Variants in MEGF10 observed in about 807,000 individuals in gnomAD.
MEGF10 encodes multiple EGF like domains 10.
Under a neutral mutation model 147.5 loss-of-function variants are expected in MEGF10, and 86 were observed. The observed-to-expected ratio is 0.58, with a 90% CI of 0.49 to 0.70. MEGF10 has a LOEUF of 0.70. MEGF10 is among the 30% of genes least tolerant of loss of function. MEGF10 has a pLI of 0.00. For synonymous variants in MEGF10, 478 were observed against 525.5 expected (o/e 0.91, Z 1.24); for missense variants, 1,329 against 1,487.3 (o/e 0.89, Z 1.75).
intron 4 of MEGF10, among the ~76,000 whole-genome samples, chr5:127,353,199 G>T (rs1762150796): frequency 6.6e-6 from 1 of 152,246 alleles, no homozygotes; most frequent in Admixed American, 6.5e-5. Flanking sequence ...CTATGGAAAG[G>T]AGAGAGACTC....
intron 24 of MEGF10, 44 bp downstream of exon 24, chr5:127,455,651 T>A (rs1766336484): frequency 6.5e-7 from 1 of 1,539,714 alleles, no homozygotes; most frequent in South Asian, 1.2e-5. Context: ...CTTAAGTTTT[T>A]AAAAACAATT....
At chr5:127,266,689 A>G in the MEGF10 span, among the ~76,000 whole-genome samples, 1 of 152,174 alleles carries the variant, frequency 6.6e-6, no homozygotes, top group Admixed American at 6.5e-5. Flanking sequence ...AGCAATTGTG[A>G]ATGGGAGTTC....
rs138901395 is a variant in MEGF10 at position 127,348,061 on chromosome 5, A to G, written c.319+7431A>G. ...TTTGGATTTCAATTAGAAGATAAGA[A>G]TTCTTCTGCTGTAGCTCTAAAGTTG... On this transcript the variant is annotated intron_variant, in intron 4 of 24. Coordinates refer to ENST00000503335, the MANE Select transcript of MEGF10 (RefSeq NM_001256545.2). Among the ~76,000 whole-genome samples, 373 of 152,234 alleles carry G rather than the reference A, an allele frequency of 2.5e-3. 1 individual carries two copies. The highest frequency in any genetic ancestry group is 8.6e-3 in the African/African-American group (359 of 41,570).
At position 127,455,683 on chromosome 5, in the gene MEGF10, T is replaced by C. The variant is rs190980227; in HGVS notation, c.3232+76T>C. 1,414 of 1,087,550 alleles carry C rather than the reference T, an allele frequency of 1.3e-3. 10 individuals carry two copies. Among genetic ancestry groups the C allele is most frequent in the East Asian group, 4.1e-3 (163 of 39,340 alleles). The allele number at this position is 1,087,550 out of a possible 1,614,324, so 67.4% of individuals were successfully genotyped here. On this transcript the variant is annotated intron_variant, in intron 24 of 24. Transcript: ENST00000503335. ...AATTTTAAAGTCTTTACGAATATAA[T>C]AGTTGCAGGTCATAGAAATCTTATT... is the stretch of plus-strand genomic sequence containing the variant.
At chr5:127,256,379 T>TA in the MEGF10 span, among the ~76,000 whole-genome samples, 1 of 152,350 alleles carries the variant, frequency 6.6e-6, no homozygotes, top group East Asian at 1.9e-4. Flanking sequence ...CACAGTTTTT[T>TA]ACAACAGTCG....
At chr5:127,428,818 G>T (rs1264733440) in intron 13 of MEGF10, among the ~76,000 whole-genome samples, 1 of 152,240 alleles carries the variant, frequency 6.6e-6, no homozygotes. Context: ...TGACACCCCA[G>T]ATGATTTATT....
chr5:127,254,255 A>G, the MEGF10 span, among the ~76,000 whole-genome samples: 1 of 152,114 alleles, frequency 6.6e-6, no homozygotes, highest in East Asian at 1.9e-4. Context: ...TCCGTCCCCC[A>G]ACTCAAATAC....
chr5:127,373,243 C>T (rs1289795667), intron 5 of MEGF10, among the ~76,000 whole-genome samples: 1 of 152,170 alleles, frequency 6.6e-6, no homozygotes, highest in African/African-American at 2.4e-5. Context: ...CCTCTGCCTC[C>T]TGGGTTCAAG....
intron 4 of MEGF10, among the ~76,000 whole-genome samples, chr5:127,358,275 C>G (rs1658105588): frequency 6.6e-6 from 1 of 152,034 alleles, no homozygotes; most frequent in Admixed American, 6.6e-5. Flanking sequence ...TGTCCAGGGA[C>G]CACCACTAAG....
At chr5:127,378,074 C>T (rs913651277) in intron 5 of MEGF10, among the ~76,000 whole-genome samples, 3 of 152,142 alleles carry the variant, frequency 2.0e-5, no homozygotes, top group Admixed American at 6.5e-5. Flanking sequence ...AAAATTTGGA[C>T]TGTTCTTTGC....
chr5:127,256,085 C>G, the MEGF10 span, among the ~76,000 whole-genome samples: 27 of 152,278 alleles, frequency 1.8e-4, no homozygotes, highest in East Asian at 4.2e-3. Context: ...ACTGCCCTAA[C>G]CAAAGCCTGG....
intron 14 of MEGF10, among the ~76,000 whole-genome samples, 169 bp downstream of exon 14, chr5:127,433,678 C>T (rs935220123): frequency 6.6e-6 from 1 of 152,214 alleles, no homozygotes; most frequent in Non-Finnish European, 1.5e-5. Context: ...TCCCTAAGAG[C>T]TTCATTCTTT....
At chr5:127,341,946 G>A (rs149871355) in intron 4 of MEGF10, among the ~76,000 whole-genome samples, 2 of 152,138 alleles carry the variant, frequency 1.3e-5, no homozygotes, top group Non-Finnish European at 2.9e-5. Flanking sequence ...TAAATTCCTA[G>A]CAGTAGAATT....
At chr5:127,402,812 C>T (rs1257722473) in intron 8 of MEGF10, 130 bp downstream of exon 8, 5 of 857,836 alleles carry the variant, frequency 5.8e-6, no homozygotes, top group South Asian at 2.7e-5. Context: ...AGCTATACAG[C>T]CTCAATGTGT....
intron 13 of MEGF10, chr5:127,424,689 C>A: frequency 1.9e-6 from 1 of 514,540 alleles, no homozygotes; most frequent in Non-Finnish European, 2.6e-6. Flanking sequence ...CCAATAGGAG[C>A]TACCCACAGA....
the MEGF10 span, among the ~76,000 whole-genome samples, chr5:127,246,930 A>G: frequency 3.1e-5 from 4 of 129,928 alleles, no homozygotes; most frequent in African/African-American, 1.2e-4. Context: ...TTATACAATA[A>G]TATATGATTA....
chr5:127,333,994 C>T (rs888183737), intron 2 of MEGF10, among the ~76,000 whole-genome samples: 1 of 151,940 alleles, frequency 6.6e-6, no homozygotes. Context: ...GAGTTGACAG[C>T]TATAATCTTC....
At chr5:127,391,094 GCGCGCGCGCACACACACA>G (rs1299703066) in intron 5 of MEGF10, among the ~76,000 whole-genome samples, 1 of 24,418 alleles carries the variant, frequency 4.1e-5, no homozygotes, top group Non-Finnish European at 1.7e-4. Flanking sequence ...ACATGCGCGC[GCGCGCGCGCACACACACA>G]CACACACACA....
upstream of MEGF10, among the ~76,000 whole-genome samples, chr5:127,287,435 C>T (rs1204981558): frequency 1.3e-5 from 2 of 151,866 alleles, no homozygotes; most frequent in Non-Finnish European, 2.9e-5. Flanking sequence ...CTGTATTTCT[C>T]CATACTAGCA....
Sources: gnomAD v4.1 joint callset for allele counts (sites outside exome capture counted in the v4.1 genomes callset) on GRCh38, gnomAD v4.1.1 for gene constraint, MANE v1.5 for transcripts, NCBI Gene and HGNC (gene_info 2026-07-23, HGNC 2026-07-21) for gene names.